The following CDC5L variants were observed in gnomAD, a reference collection of about 807,000 sequenced individuals.
CDC5L encodes the protein cell division cycle 5 like, also known as cell division cycle 5-like protein.
A neutral mutation model predicts 104.1 loss-of-function variants in CDC5L; 18 were observed. The ratio of observed to expected loss-of-function variants is 0.17; its 90% CI spans 0.12 to 0.26. CDC5L has a LOEUF of 0.26. Among genes scored for constraint, CDC5L ranks in the 10% least tolerant of loss-of-function variants. CDC5L has a pLI of 1.00. For missense variants in CDC5L, 673 were observed against 956.9 expected (o/e 0.70, Z 3.91); for synonymous variants, 331 against 322.7 (o/e 1.03, Z -0.28).
chr6:44,402,021 A>G (rs1282152463), intron 5 of CDC5L, among the ~76,000 whole-genome samples: 10 of 135,782 alleles, frequency 7.4e-5, no homozygotes, highest in South Asian at 5.2e-4. Flanking sequence ...TCCATGGTGT[A>G]TATGTGCCAC....
At chr6:44,406,194 A>G (rs1260439705) in intron 6 of CDC5L, 129 bp from the exon 7 acceptor site, 4 of 698,262 alleles carry the variant, frequency 5.7e-6, no homozygotes, top group Non-Finnish European at 9.3e-6. Context: ...GAGCCATTGC[A>G]CCTGGCCTTT....
intron 14 of CDC5L, among the ~76,000 whole-genome samples, chr6:44,432,248 T>C (rs566823863): frequency 5.9e-5 from 9 of 152,342 alleles, no homozygotes; most frequent in Non-Finnish European, 8.8e-5. Flanking sequence ...TCATTTCAGT[T>C]GATTGCTAAA....
At chr6:44,427,798 C>T (rs1418117096) in intron 13 of CDC5L, among the ~76,000 whole-genome samples, 1 of 152,036 alleles carries the variant, frequency 6.6e-6, no homozygotes, top group African/African-American at 2.4e-5. Context: ...GCACAGTTTC[C>T]TCTTTTGAAA....
At chr6:44,388,005 G>T in intron 1 of CDC5L, 137 bp downstream of exon 1, 1 of 740,248 alleles carries the variant, frequency 1.4e-6, no homozygotes, top group Non-Finnish European at 2.2e-6. Flanking sequence ...GACCCTTGGG[G>T]CCCTTTCCGT....
intron 14 of CDC5L, among the ~76,000 whole-genome samples, chr6:44,432,461 C>T (rs1792729935): frequency 6.6e-6 from 1 of 151,924 alleles, no homozygotes; most frequent in South Asian, 2.1e-4. Flanking sequence ...ATGGCCCTAT[C>T]ACTGCCTATC....
At chr6:44,404,103 G>A (rs576837503) in intron 6 of CDC5L, 76 bp downstream of exon 6, 1 of 879,388 alleles carries the variant, frequency 1.1e-6, no homozygotes, top group East Asian at 2.9e-5. Context: ...TATTATCCTT[G>A]TCAGAGCCAG....
intron 13 of CDC5L, 73 bp from the exon 14 acceptor site, chr6:44,429,640 A>G: frequency 7.6e-7 from 1 of 1,317,022 alleles, no homozygotes; most frequent in East Asian, 2.3e-5. Context: ...GGAAAAAATT[A>G]GTCTTCTAAA....
At chr6:44,413,517 G>A (rs1581650918) in intron 8 of CDC5L, among the ~76,000 whole-genome samples, 2 of 152,206 alleles carry the variant, frequency 1.3e-5, no homozygotes, top group Non-Finnish European at 1.5e-5. Context: ...GGAATTACTG[G>A]GTCCTATGGT....
Position 44,433,189 on chromosome 6 carries a change from C to T in CDC5L, c.2091+3279C>T, listed in dbSNP as rs527961922. Among the ~76,000 whole-genome samples the T allele has an allele frequency of 1.7e-3, 256 of 152,252 alleles. 1 individual carries two copies. Among genetic ancestry groups the T allele is most frequent in the African/African-American group, 5.9e-3 (245 of 41,538 alleles). On this transcript the variant is annotated intron_variant, in intron 14 of 15. Coordinates refer to ENST00000371477, the MANE Select transcript of CDC5L (RefSeq NM_001253.4). ...AGTAATTATTACTGCCTATCTACCA[C>T]GTACTGGATACTGTTCTAGGTCCTG... is the stretch of plus-strand genomic sequence containing the variant.
In CDC5L at chr6:44,426,109, C is replaced by T; in HGVS notation, c.1576C>T (p.Arg526Ter). 1 of 1,593,016 alleles carries T rather than the reference C, an allele frequency of 6.3e-7. No homozygotes were observed. Among genetic ancestry groups the T allele is most frequent in the Non-Finnish European group, 8.6e-7 (1 of 1,167,096 alleles). Residue 526 changes from arginine to a stop codon, truncating the protein, a stop_gained, in exon 12 of 16, where the codon CGA becomes TGA. Coordinates refer to ENST00000371477, the MANE Select transcript of CDC5L (RefSeq NM_001253.4). LOFTEE classifies it high-confidence loss of function. ...ADVDARKQAIRDAERVKEMKR... is the reference protein window; with the variant it reads ...ADVDARKQAI ...TATAAAAATCATTTTTTAGGCCATA[C>T]GAGATGCAGAGCGTGTAAAGGAAAT... is the stretch of plus-strand genomic sequence containing the variant.
At chr6:44,424,662 T>C in intron 11 of CDC5L, 79 bp downstream of exon 11, 1 of 1,374,982 alleles carries the variant, frequency 7.3e-7, no homozygotes, top group Non-Finnish European at 1.0e-6. Context: ...AGCCATTAAA[T>C]GTCCCAAGAT....
chr6:44,420,114 C>T (rs1048803428), intron 9 of CDC5L, among the ~76,000 whole-genome samples: 2 of 152,074 alleles, frequency 1.3e-5, no homozygotes, highest in Non-Finnish European at 2.9e-5. Flanking sequence ...ATGAAAATTT[C>T]AGGCATTTAG....
At chr6:44,393,138 T>A (rs903443487) in intron 3 of CDC5L, among the ~76,000 whole-genome samples, 3 of 150,740 alleles carry the variant, frequency 2.0e-5, no homozygotes, top group African/African-American at 7.3e-5. Flanking sequence ...AATTAACTAC[T>A]GGAACATTTT....
intron 6 of CDC5L, among the ~76,000 whole-genome samples, chr6:44,404,476 T>G (rs1791272545): frequency 1.3e-5 from 2 of 152,148 alleles, no homozygotes; most frequent in South Asian, 4.1e-4. Context: ...ATGGTTTTAT[T>G]TATTTAATGG....
intron 7 of CDC5L, among the ~76,000 whole-genome samples, chr6:44,407,731 C>T (rs1791439489): frequency 6.6e-6 from 1 of 152,212 alleles, no homozygotes; most frequent in Admixed American, 6.5e-5. Flanking sequence ...GAACTCTTTT[C>T]CCACATGAGC....
intron 14 of CDC5L, among the ~76,000 whole-genome samples, chr6:44,445,185 C>T (rs1210218503): frequency 6.6e-6 from 1 of 152,088 alleles, no homozygotes; most frequent in African/African-American, 2.4e-5. Context: ...CTAGATCCCT[C>T]AGCTCCCAGA....
Position 44,446,652 on chromosome 6 carries a change from C to T in CDC5L, c.2350C>T (p.Leu784Phe). The change falls in exon 16 of 16, where the codon CTT (leucine) becomes TTT (phenylalanine). Residue 784 changes from leucine to phenylalanine, a missense_variant. Around this residue, in one of 4 missense-constraint regions of CDC5L, gnomAD observed 578 missense variants for 737.0 expected, o/e 0.78. Coordinates refer to ENST00000371477, the MANE Select transcript of CDC5L (RefSeq NM_001253.4). The part of the protein sequence containing the change: ...VQRQQEREKE[L>F]QHRYADLLLE... ...GCGACAACAAGAAAGAGAAAAGGAACTTCAACATAGATATGCTGATTTGCT... is the reference window on the plus strand; with the variant it reads ...GCGACAACAAGAAAGAGAAAAGGAATTTCAACATAGATATGCTGATTTGCT... 1 of 1,595,786 alleles carries T rather than the reference C, an allele frequency of 6.3e-7. No individual in the cohort carries two copies. The highest frequency in any genetic ancestry group is 8.5e-7 in the Non-Finnish European group (1 of 1,172,198).
intron 5 of CDC5L, among the ~76,000 whole-genome samples, chr6:44,402,868 T>C (rs1791193993): frequency 6.6e-6 from 1 of 152,208 alleles, no homozygotes; most frequent in Admixed American, 6.5e-5. Flanking sequence ...TATGTAAATG[T>C]CTGTATAATA....
At chr6:44,409,134 T>C (rs1791516420) in intron 8 of CDC5L, among the ~76,000 whole-genome samples, 1 of 152,148 alleles carries the variant, frequency 6.6e-6, no homozygotes, top group African/African-American at 2.4e-5. Flanking sequence ...CATTTCCTCA[T>C]CTCTAATAGT....
Sources: allele counts gnomAD v4.1 joint callset (sites outside exome capture counted in the v4.1 genomes callset), GRCh38; gene constraint gnomAD v4.1.1; regional missense constraint gnomAD v4.1.1; transcripts MANE v1.5; gene names NCBI Gene and HGNC (gene_info 2026-07-23, HGNC 2026-07-21).